Variants in OSBPL9 observed in about 807,000 individuals in gnomAD.
OSBPL9 encodes oxysterol binding protein like 9, also known as oxysterol-binding protein-related protein 9.
Under a neutral mutation model 106.6 loss-of-function variants are expected in OSBPL9, and 40 were observed. The ratio of observed to expected loss-of-function variants is 0.38; its 90% CI spans 0.29 to 0.49. The LOEUF (loss-of-function observed/expected upper bound fraction) is 0.49. OSBPL9 is among the 20% of genes least tolerant of loss of function. The pLI, the probability that OSBPL9 is intolerant of heterozygous loss-of-function variation, is 0.97. For missense variants in OSBPL9, 609 were observed against 887.2 expected, an observed-to-expected ratio of 0.69 and a Z score of 3.98; for synonymous variants, 269 against 295.4, an observed-to-expected ratio of 0.91 and a Z score of 0.92.
intron 3 of OSBPL9, among the ~76,000 whole-genome samples, chr1:51,713,447 G>A (rs1299145417): frequency 6.6e-6 from 1 of 152,100 alleles, no homozygotes; most frequent in Non-Finnish European, 1.5e-5. Context: ...ACTGCACCCA[G>A]CCAGTTTTTT....
chr1:51,674,280 G>A (rs1650647904), intron 3 of OSBPL9, among the ~76,000 whole-genome samples: 1 of 151,624 alleles, frequency 6.6e-6, no homozygotes, highest in Admixed American at 6.6e-5. Flanking sequence ...TATTTTTTGA[G>A]TTAAAATTTA....
chr1:51,526,494 G>A, the OSBPL9 span, among the ~76,000 whole-genome samples: 2 of 152,092 alleles, frequency 1.3e-5, no homozygotes, highest in African/African-American at 4.8e-5. Context: ...AGGATTTCGG[G>A]GAAAGTTAAA....
At chr1:51,706,380 T>C (rs1382809109) in intron 3 of OSBPL9, among the ~76,000 whole-genome samples, 2 of 152,162 alleles carry the variant, frequency 1.3e-5, no homozygotes, top group Non-Finnish European at 2.9e-5. Context: ...AGTTTTATAG[T>C]CAGGGAGTTA....
At chr1:51,748,474 A>ATCAATAGTGGCAG in intron 7 of OSBPL9, 76 bp downstream of exon 7, 1 of 1,349,194 alleles carries the variant, frequency 7.4e-7, no homozygotes, top group Non-Finnish European at 9.7e-7. Context: ...TTAAGCTGCC[A>ATCAATAGTGGCAG]CTATTGATGA....
At chr1:51,697,411 T>A (rs1490266709) in intron 3 of OSBPL9, among the ~76,000 whole-genome samples, 1 of 150,904 alleles carries the variant, frequency 6.6e-6, no homozygotes, top group Non-Finnish European at 1.5e-5. Context: ...TATTTCACAA[T>A]AACTTTCAGA....
At position 51,728,582 on chromosome 1, in the gene OSBPL9, AG is replaced by A. The variant is rs200288408; in HGVS notation, c.318+14508del. Among the ~76,000 whole-genome samples the A allele has an allele frequency of 5.7e-3, 869 of 152,282 alleles. 2 individuals carry two copies. The highest frequency in any genetic ancestry group is 0.02 in the African/African-American group (824 of 41,552). ...AGAGTACCCAGCTTTTAGAGTGGGT[AG>A]GGGGAAGGGGAGAGTGCATCTGGTG... On this transcript the variant is annotated intron_variant, in intron 4 of 23. Transcript: ENST00000428468.
the OSBPL9 span, among the ~76,000 whole-genome samples, chr1:51,538,152 C>T: frequency 6.6e-6 from 1 of 152,042 alleles, no homozygotes; most frequent in Non-Finnish European, 1.5e-5. Context: ...TTTAGCCGGG[C>T]ATGGTAGTGC....
chr1:51,519,108 T>G, the OSBPL9 span: 4 of 884,926 alleles, frequency 4.5e-6, no homozygotes, highest in Admixed American at 3.9e-5. Context: ...GCTGCCTGCT[T>G]GGCCCACAAG....
the OSBPL9 span, chr1:51,567,866 T>C: frequency 1.3e-5 from 2 of 152,202 alleles, no homozygotes; most frequent in Non-Finnish European, 2.9e-5. Flanking sequence ...CCCCAAAGCA[T>C]AATTTCACAT....
intron 3 of OSBPL9, among the ~76,000 whole-genome samples, chr1:51,712,443 T>C (rs1660267363): frequency 1.3e-5 from 2 of 151,124 alleles, no homozygotes; most frequent in Admixed American, 6.6e-5. Flanking sequence ...GAGGGAGAGC[T>C]ACTTCTATAT....
intron 8 of OSBPL9, among the ~76,000 whole-genome samples, chr1:51,751,288 A>G (rs908516658): frequency 3.3e-5 from 5 of 151,914 alleles, no homozygotes; most frequent in African/African-American, 7.3e-5. Flanking sequence ...GGGTTTCACC[A>G]TGTTACCCAG....
chr1:51,616,404 C>A (rs775648987), upstream of OSBPL9, among the ~76,000 whole-genome samples: 1 of 152,140 alleles, frequency 6.6e-6, no homozygotes, highest in African/African-American at 2.4e-5. Context: ...CTTGTTGATC[C>A]CTCAAGATGC....
chr1:51,541,583 G>A, the OSBPL9 span, among the ~76,000 whole-genome samples: 1 of 152,342 alleles, frequency 6.6e-6, no homozygotes, highest in South Asian at 2.1e-4. Context: ...CCCATGGGTT[G>A]CTTGCCTTTG....
chr1:51,540,599 G>A, the OSBPL9 span, among the ~76,000 whole-genome samples: 1,178 of 145,852 alleles, frequency 8.1e-3, 11 homozygotes, highest in African/African-American at 0.027. Flanking sequence ...GGTTGCAGTG[G>A]GCCAAGATAG....
intron 2 of OSBPL9, among the ~76,000 whole-genome samples, chr1:51,655,420 G>A (rs1437499330): frequency 1.3e-5 from 2 of 152,138 alleles, no homozygotes; most frequent in African/African-American, 4.8e-5. Context: ...TCATGTCAGC[G>A]ATGTGCATTG....
At chr1:51,630,618 G>T (rs892533011) in intron 1 of OSBPL9, among the ~76,000 whole-genome samples, 1 of 152,210 alleles carries the variant, frequency 6.6e-6, no homozygotes, top group African/African-American at 2.4e-5. Context: ...GTGAGTGAAT[G>T]TGAAGGCCGG....
intron 1 of OSBPL9, among the ~76,000 whole-genome samples, chr1:51,618,025 GTTTT>G (rs940292892): frequency 6.6e-5 from 7 of 106,612 alleles, no homozygotes; most frequent in African/African-American, 2.3e-4. Context: ...TGTGTGTGTG[GTTTT>G]TTTTTTGAGA....
intron 10 of OSBPL9, 88 bp from the exon 11 acceptor site, chr1:51,761,779 T>A (rs1671559139): frequency 9.6e-7 from 1 of 1,041,948 alleles, no homozygotes; most frequent in African/African-American, 1.6e-5. Context: ...TTACTGGCCT[T>A]TAGGATTTTG....
At chr1:51,662,385 T>G (rs1279239514) in intron 2 of OSBPL9, among the ~76,000 whole-genome samples, 8 of 151,984 alleles carry the variant, frequency 5.3e-5, no homozygotes, top group Admixed American at 3.3e-4. Context: ...ATATGGAGCA[T>G]GAGTGTGGAA....
Sources: gnomAD v4.1 joint callset for allele counts (sites outside exome capture counted in the v4.1 genomes callset) on GRCh38, gnomAD v4.1.1 for gene constraint, MANE v1.5 for transcripts, NCBI Gene and HGNC (gene_info 2026-07-23, HGNC 2026-07-21) for gene names.